Variants in IPP observed in about 807,000 individuals in gnomAD.
The protein encoded by IPP is actin-binding protein IPP.
Under a neutral mutation model 64.1 loss-of-function variants are expected in IPP, and 41 were observed. The observed-to-expected ratio is 0.64, with a 90% CI of 0.50 to 0.83. IPP has a LOEUF of 0.83. IPP is among the 40% of genes least tolerant of loss of function. IPP has a pLI of 0.00. For synonymous variants in IPP, 214 were observed against 235.2 expected (o/e 0.91, Z 0.83); for missense variants, 649 against 703.0 (o/e 0.92, Z 0.87).
At chr1:45,714,120 A>T (rs1306542208) in intron 8 of IPP, 126 bp downstream of exon 8, 3 of 633,690 alleles carry the variant, frequency 4.7e-6, no homozygotes, top group Non-Finnish European at 5.3e-6. Context: ...TCTTCTTTGG[A>T]AAGAAAAAAG....
chr1:45,727,857 G>C, intron 4 of IPP, 59 bp from the exon 5 acceptor site: 1 of 1,180,766 alleles, frequency 8.5e-7, no homozygotes, highest in African/African-American at 1.5e-5. Context: ...TAAACATTTA[G>C]TATAACTACT....
At chr1:45,720,249 A>G (rs933964161) in intron 5 of IPP, among the ~76,000 whole-genome samples, 1 of 152,038 alleles carries the variant, frequency 6.6e-6, no homozygotes, top group African/African-American at 2.4e-5. Context: ...GTAATTTAGA[A>G]TTTTAAAATA....
At chr1:45,726,276 T>C (rs1645826203) in intron 5 of IPP, among the ~76,000 whole-genome samples, 2 of 151,204 alleles carry the variant, frequency 1.3e-5, no homozygotes, top group Admixed American at 1.3e-4. Flanking sequence ...CTGACCAACA[T>C]GAAGAAACCC....
chr1:45,722,271 A>G (rs1645743555), intron 5 of IPP, among the ~76,000 whole-genome samples: 1 of 150,996 alleles, frequency 6.6e-6, no homozygotes, highest in Non-Finnish European at 1.5e-5. Flanking sequence ...AAAAATAAAA[A>G]TACAGGGTGG....
intron 7 of IPP, among the ~76,000 whole-genome samples, chr1:45,715,087 T>G (rs958746573): frequency 6.6e-6 from 1 of 150,468 alleles, no homozygotes; most frequent in Non-Finnish European, 1.5e-5. Context: ...CCCAGCTACT[T>G]AGGAGACTGA....
chr1:45,747,999 G>A (rs1268104412), intron 1 of IPP, among the ~76,000 whole-genome samples: 1 of 151,960 alleles, frequency 6.6e-6, no homozygotes, highest in African/African-American at 2.4e-5. Flanking sequence ...GAAAAAAAAT[G>A]GTTACGTTTA....
downstream of IPP, among the ~76,000 whole-genome samples, chr1:45,695,756 G>A (rs1004132850): frequency 4.6e-5 from 7 of 151,430 alleles, no homozygotes; most frequent in Admixed American, 2.6e-4. Context: ...CGCAACCTCC[G>A]CCTCCCGTGT....
chr1:45,714,046 G>T (rs569231544), intron 8 of IPP, among the ~76,000 whole-genome samples, 200 bp downstream of exon 8: 64 of 152,022 alleles, frequency 4.2e-4, no homozygotes, highest in Admixed American at 5.3e-4. Flanking sequence ...AAATGGAAAA[G>T]TAAGAACAGA....
chr1:45,714,466 C>G lies in IPP; in HGVS notation c.1310G>C (p.Gly437Ala). The change falls in exon 8 of 9, where the codon GGT becomes GCT. Residue 437 changes from glycine to alanine, a missense_variant and splice_region_variant. Gly to Ala is a moderately conservative substitution (Grantham distance 60). Transcript: ENST00000396478. ...RYYFGCCEMQGLIYVIGGISN... is the reference protein window; with the variant it reads ...RYYFGCCEMQALIYVIGGISN... ...GATGCCCCCAATTACATAAATTAAACCTGGAAGTGGAATATTTTTGCTCAG... is the reference window on the plus strand; with the variant it reads ...GATGCCCCCAATTACATAAATTAAAGCTGGAAGTGGAATATTTTTGCTCAG... 6.3e-7 allele frequency: 1 copy of G among 1,591,498 alleles called. No individual in the cohort carries two copies. The highest frequency in any genetic ancestry group is 2.2e-5 in the East Asian group (1 of 44,758).
At chr1:45,714,691 T>G (rs1645634655) in intron 7 of IPP, among the ~76,000 whole-genome samples, 1 of 152,174 alleles carries the variant, frequency 6.6e-6, no homozygotes, top group South Asian at 2.1e-4. Flanking sequence ...AGTTTTCAAA[T>G]AACTTGAAAT....
chr1:45,724,862 G>C (rs1645790087), intron 5 of IPP, among the ~76,000 whole-genome samples: 1 of 150,382 alleles, frequency 6.6e-6, no homozygotes, highest in African/African-American at 2.4e-5. Flanking sequence ...TCTCCGCCCG[G>C]CAGCCACCCC....
At chr1:45,732,637 A>G (rs1404503600) in intron 3 of IPP, among the ~76,000 whole-genome samples, 2 of 151,096 alleles carry the variant, frequency 1.3e-5, no homozygotes, top group African/African-American at 2.4e-5. Context: ...GAAGAAGACT[A>G]CCAAATGAAA....
rs1322513380 is a variant in IPP, at chr1:45,700,068, A to G, written c.1653T>C (p.Gly551=). 2 of 1,614,172 alleles carry G rather than the reference A, an allele frequency of 1.2e-6. No individual in the cohort carries two copies. The highest frequency in any genetic ancestry group is 1.1e-5 in the South Asian group (1 of 91,088). The change falls in exon 9 of 9, where the codon GGT becomes GGC. Residue 551 remains glycine, a synonymous_variant. Coordinates refer to ENST00000396478, the MANE Select transcript of IPP (RefSeq NM_005897.3). ...RSSSHDFLAP[G]TLDSVEVYNP... Reference sequence around the variant, plus strand: ...TATAAACTTCAACTGAGTCCAAGGTACCTGGAGCCAAAAAATCATGGCTGG... The same window carrying G: ...TATAAACTTCAACTGAGTCCAAGGTGCCTGGAGCCAAAAAATCATGGCTGG...
chr1:45,694,759 A>G (rs1299341287), downstream of IPP: 5 of 368,170 alleles, frequency 1.4e-5, no homozygotes, highest in African/African-American at 4.2e-5. Flanking sequence ...CACCAAACAC[A>G]TAATAGCTGG....
At chr1:45,716,426 G>A (rs1035242250) in intron 7 of IPP, among the ~76,000 whole-genome samples, 7 of 152,010 alleles carry the variant, frequency 4.6e-5, no homozygotes, top group African/African-American at 4.8e-5. Flanking sequence ...TGTATTTTTA[G>A]TAGAAATGAG....
At chr1:45,711,227 A>C (rs1569965535) in intron 8 of IPP, among the ~76,000 whole-genome samples, 1 of 148,568 alleles carries the variant, frequency 6.7e-6, no homozygotes, top group Non-Finnish European at 1.5e-5. Context: ...TTGTAGTCCC[A>C]GCTACTCGGG....
chr1:45,743,847 C>CT (rs1185165746), intron 2 of IPP, among the ~76,000 whole-genome samples: 1 of 134,384 alleles, frequency 7.4e-6, no homozygotes, highest in Admixed American at 7.7e-5. Flanking sequence ...CCCGTCTCTA[C>CT]TAAAAAAAAA....
intron 8 of IPP, among the ~76,000 whole-genome samples, chr1:45,713,273 A>AC (rs2148556169): frequency 6.6e-6 from 1 of 152,168 alleles, no homozygotes; most frequent in East Asian, 1.9e-4. Context: ...AGAAAAAAAA[A>AC]AATTCAGCTG....
Position 45,719,290 on chromosome 1 carries a change from T to C in IPP, c.1099A>G (p.Thr367Ala). The C allele has an allele frequency of 1.2e-6, 2 of 1,612,298 alleles. No individual in the cohort carries two copies. The highest frequency in any genetic ancestry group is 1.7e-6 in the Non-Finnish European group (2 of 1,178,626). Residue 367 changes from threonine to alanine, a missense_variant, in exon 6 of 9, where the codon ACT becomes GCT. Transcript: ENST00000396478. ...GAAGCTACAGTTGTCCACTGTTTAG[T>C]AACTGGATCATAGCATTCAGTACAA... The part of the protein sequence containing the change: ...FDCTECYDPV[T>A]KQWTTVASMN...
Sources: gnomAD v4.1 joint callset for allele counts (sites outside exome capture counted in the v4.1 genomes callset) on GRCh38, gnomAD v4.1.1 for gene constraint, MANE v1.5 for transcripts, NCBI Gene and HGNC (gene_info 2026-07-23, HGNC 2026-07-21) for gene names.